JAM2: variants seen among roughly 807,000 people sequenced by gnomAD.
The protein encoded by JAM2 is junctional adhesion molecule B.
Under a neutral mutation model 42.0 loss-of-function variants are expected in JAM2, and 17 were observed. The observed-to-expected ratio is 0.40, with a 90% CI of 0.28 to 0.61. The LOEUF is 0.61. Ranked by LOEUF, JAM2 falls within the 20% of genes least tolerant of loss-of-function variation. The pLI, the probability that JAM2 is intolerant of heterozygous loss-of-function variation, is 0.37. For synonymous variants in JAM2, 118 were observed against 128.6 expected (o/e 0.92, Z 0.56); for missense variants, 319 against 358.3 (o/e 0.89, Z 0.89).
chr21:25,643,001 G>A (rs1033708943), intron 1 of JAM2, among the ~76,000 whole-genome samples: 5 of 152,192 alleles, frequency 3.3e-5, no homozygotes. Flanking sequence ...AAGCAAGGCA[G>A]CTCTGAGGTC....
At chr21:25,648,119 G>A (rs557834633) in intron 1 of JAM2, among the ~76,000 whole-genome samples, 2 of 152,270 alleles carry the variant, frequency 1.3e-5, no homozygotes, top group East Asian at 3.9e-4. Context: ...GCTGAGGCAT[G>A]AGAATCACTT....
intron 1 of JAM2, among the ~76,000 whole-genome samples, chr21:25,683,047 AG>A (rs1487700709): frequency 1.3e-5 from 2 of 152,078 alleles, no homozygotes; most frequent in Non-Finnish European, 1.5e-5. Context: ...GTGGGACAAA[AG>A]GCAACTTTTG....
At chr21:25,640,712 A>ATTACAAT (rs1006265408) in intron 1 of JAM2, among the ~76,000 whole-genome samples, 26 of 152,332 alleles carry the variant, frequency 1.7e-4, no homozygotes, top group African/African-American at 6.0e-4. Flanking sequence ...ACAATAGACT[A>ATTACAAT]AGCAATGCAG....
At chr21:25,643,152 G>A (rs1373063788) in intron 1 of JAM2, among the ~76,000 whole-genome samples, 1 of 152,214 alleles carries the variant, frequency 6.6e-6, no homozygotes, top group African/African-American at 2.4e-5. Context: ...ATGAGGTAGG[G>A]TAGGTAAAAG....
intron 4 of JAM2, among the ~76,000 whole-genome samples, chr21:25,696,493 T>C (rs940868313): frequency 6.6e-6 from 1 of 152,176 alleles, no homozygotes; most frequent in African/African-American, 2.4e-5. Context: ...TGCACTAGTA[T>C]AGGAGAAATT....
At chr21:25,657,557 G>A (rs972724115) in intron 1 of JAM2, among the ~76,000 whole-genome samples, 1 of 151,924 alleles carries the variant, frequency 6.6e-6, no homozygotes, top group Non-Finnish European at 1.5e-5. Flanking sequence ...AACCACAAAC[G>A]TCAAATTTTG....
intron 1 of JAM2, among the ~76,000 whole-genome samples, chr21:25,651,742 A>T (rs1429719073): frequency 1.3e-5 from 2 of 152,232 alleles, no homozygotes; most frequent in African/African-American, 4.8e-5. Context: ...ACAAATGCCC[A>T]TTTATAGGGG....
intron 6 of JAM2, 120 bp downstream of exon 6, chr21:25,702,389 A>G (rs916848780): frequency 2.1e-5 from 11 of 515,986 alleles, no homozygotes; most frequent in Non-Finnish European, 3.8e-5. Context: ...TAAACAGGAG[A>G]GAATGACTAA....
At chr21:25,710,257 A>G (rs2034356214) in intron 8 of JAM2, 1 of 152,216 alleles carries the variant, frequency 6.6e-6, no homozygotes, top group South Asian at 2.1e-4. Context: ...TTAATTGAAT[A>G]CCAATTTTGT....
chr21:25,712,060 T>A, intron 8 of JAM2: 1 of 330,270 alleles, frequency 3.0e-6, no homozygotes, highest in African/African-American at 2.1e-5. Context: ...AGTTAGTAAG[T>A]CTCTGGTTTG....
intron 4 of JAM2, among the ~76,000 whole-genome samples, chr21:25,694,372 C>T (rs2033950321): frequency 6.6e-6 from 1 of 152,104 alleles, no homozygotes. Context: ...TATGTTAGCC[C>T]TTTTCACATA....
At chr21:25,646,044 A>C (rs2032599530) in intron 1 of JAM2, among the ~76,000 whole-genome samples, 1 of 152,232 alleles carries the variant, frequency 6.6e-6, no homozygotes, top group Admixed American at 6.5e-5. Flanking sequence ...ATACTACTGT[A>C]GACTTTATCA....
chr21:25,687,408 A>G (rs927009085), intron 2 of JAM2, among the ~76,000 whole-genome samples: 4 of 152,248 alleles, frequency 2.6e-5, no homozygotes, highest in African/African-American at 9.6e-5. Context: ...AGCCTCTGCT[A>G]TAAGCTACCA....
chr21:25,649,837 AAG>A (rs1273343258), intron 1 of JAM2, among the ~76,000 whole-genome samples: 1 of 152,196 alleles, frequency 6.6e-6, no homozygotes, highest in Non-Finnish European at 1.5e-5. Context: ...GGAGCCTGGG[AAG>A]TTCAACATTG....
In JAM2 at chr21:25,706,066, A is replaced by C; in HGVS notation, c.785A>C (p.Gln262Pro). 6.2e-7 allele frequency: 1 copy of C among 1,611,164 alleles called. No individual in the cohort carries two copies. Among genetic ancestry groups the C allele is most frequent in the Non-Finnish European group, 8.5e-7 (1 of 1,177,250 alleles). Residue 262 changes from glutamine to proline, a missense_variant, in exon 7 of 10, where the codon CAG becomes CCG. Gln to Pro is a moderately conservative substitution (Grantham distance 76). Transcript: ENST00000480456. ...TGTGGCCTTGGTGTATGCTATGCTCAGAGGAAAGGCTACTTTTCAAGTAAG... is the reference window on the plus strand; with the variant it reads ...TGTGGCCTTGGTGTATGCTATGCTCCGAGGAAAGGCTACTTTTCAAGTAAG... Reference protein sequence around the residue: ...SVCGLGVCYAQRKGYFSKETS... With the variant: ...SVCGLGVCYAPRKGYFSKETS...
chr21:25,640,052 C>A (rs182209582), intron 1 of JAM2, among the ~76,000 whole-genome samples, 164 bp downstream of exon 1: 55 of 152,300 alleles, frequency 3.6e-4, no homozygotes, highest in African/African-American at 1.2e-3. Flanking sequence ...AGGGTGCCCG[C>A]GAGCGGACGC....
At chr21:25,692,571 T>C (rs558989800) in intron 3 of JAM2, 4 of 160,020 alleles carry the variant, frequency 2.5e-5, no homozygotes, top group African/African-American at 9.6e-5. Context: ...TAAATAGCAA[T>C]GCTTTCACTA....
In JAM2 at chr21:25,717,316, C is replaced by A; in HGVS notation, c.*2644C>A. 1 of 172,510 alleles carries A rather than the reference C, an allele frequency of 5.8e-6. No homozygotes were observed. Among genetic ancestry groups the A allele is most frequent in the Non-Finnish European group, 1.2e-5 (1 of 81,784 alleles). 10.7% of individuals were successfully genotyped at this position (172,510 alleles called of 1,614,324 possible). A position where few individuals can be genotyped will look rare whatever the true frequency, so the allele number is the denominator to read the frequency against. On this transcript the variant is annotated 3_prime_UTR_variant, in exon 10 of 10. Coordinates refer to ENST00000480456, the MANE Select transcript of JAM2 (RefSeq NM_021219.4). ...CAACTGGTAAAATCCCATTGTAATT[C>A]TTACAGCATTTTGACTTTATTTTCC...
chr21:25,664,952 G>A (rs1330948542), intron 1 of JAM2, among the ~76,000 whole-genome samples: 3 of 152,210 alleles, frequency 2.0e-5, no homozygotes, highest in Admixed American at 1.3e-4. Context: ...GGAAAAGAAC[G>A]TGAAAGAAGA....
Sources: allele counts gnomAD v4.1 joint callset (sites outside exome capture counted in the v4.1 genomes callset), GRCh38; gene constraint gnomAD v4.1.1; transcripts MANE v1.5; gene names NCBI Gene and HGNC (gene_info 2026-07-23, HGNC 2026-07-21).